The following UBE2F variants were observed in gnomAD, a reference collection of about 807,000 sequenced individuals.
UBE2F encodes ubiquitin conjugating enzyme E2 F (putative), also known as NEDD8-conjugating enzyme UBE2F.
UBE2F carries 5 observed loss-of-function variants against 29.6 expected under a neutral mutation model. The ratio of observed to expected loss-of-function variants is 0.17; its 90% confidence interval spans 0.09 to 0.36. UBE2F has a LOEUF of 0.36. Among genes scored for constraint, UBE2F ranks in the 10% least tolerant of loss-of-function variants. The probability of loss-of-function intolerance (pLI) is 1.00; values close to 1 mark genes in which losing one functional copy is unlikely to be tolerated. For missense variants in UBE2F, 141 were observed against 228.5 expected, an observed-to-expected ratio of 0.62 and a Z score of 2.47; for synonymous variants, 66 against 81.8, an observed-to-expected ratio of 0.81 and a Z score of 1.04.
chr2:238,016,004 C>T (rs1177214982), intron 4 of UBE2F, among the ~76,000 whole-genome samples: 3 of 152,074 alleles, frequency 2.0e-5, no homozygotes, highest in Non-Finnish European at 2.9e-5. Flanking sequence ...CCTACCAGCC[C>T]GCGTTTCTAG....
intron 2 of UBE2F, among the ~76,000 whole-genome samples, chr2:237,975,250 C>T (rs1376100337): frequency 6.6e-6 from 1 of 152,016 alleles, no homozygotes; most frequent in Non-Finnish European, 1.5e-5. Context: ...TACAAGCGTG[C>T]ACCACCATGC....
chr2:238,008,172 A>G (rs57593033), intron 4 of UBE2F, among the ~76,000 whole-genome samples: 7,036 of 151,898 alleles, frequency 0.046, 569 homozygotes, highest in African/African-American at 0.16. Context: ...GGGTCTCACT[A>G]TGTTGCCCAG....
intron 2 of UBE2F, among the ~76,000 whole-genome samples, chr2:237,983,232 T>C (rs1263437123): frequency 6.6e-6 from 1 of 152,226 alleles, no homozygotes; most frequent in East Asian, 1.9e-4. Flanking sequence ...CTATTTCTGA[T>C]CATGGCAAGT....
intron 3 of UBE2F, 150 bp downstream of exon 3, chr2:237,988,142 C>G (rs2063518894): frequency 1.8e-6 from 1 of 558,646 alleles, no homozygotes; most frequent in Non-Finnish European, 3.1e-6. Context: ...AGGATTTTTT[C>G]AAGTGTCTAA....
Position 238,035,795 on chromosome 2 carries a change from C to G in UBE2F, c.445-83C>G, listed in dbSNP as rs898651450. The G allele has an allele frequency of 4.3e-6, 5 of 1,151,572 alleles. No individual in the cohort carries two copies. In the Admixed American group the frequency reaches 1.1e-4, roughly 24 times the overall value. 71.3% of individuals were successfully genotyped at this position (1,151,572 alleles called of 1,614,324 possible). On this transcript the variant is annotated intron_variant, in intron 8 of 9. Coordinates refer to ENST00000272930, the MANE Select transcript of UBE2F (RefSeq NM_080678.3). ...GGTCTGCCATTTGCTAATTAGACTT[C>G]TCTTACTGTGCCATAAAATGAAGAC...
chr2:237,978,539 G>C (rs2106330351), intron 2 of UBE2F, among the ~76,000 whole-genome samples: 1 of 152,338 alleles, frequency 6.6e-6, no homozygotes, highest in African/African-American at 2.4e-5. Flanking sequence ...CTTTGGAGTG[G>C]CCGGCCATGG....
chr2:238,009,059 T>C (rs1224771644), intron 4 of UBE2F, among the ~76,000 whole-genome samples: 1 of 152,260 alleles, frequency 6.6e-6, no homozygotes, highest in East Asian at 1.9e-4. Context: ...AAGGATATCA[T>C]TCTACTGCCT....
chr2:237,994,669 G>A (rs2063655892), intron 3 of UBE2F, 75 bp from the exon 4 acceptor site: 1 of 1,197,892 alleles, frequency 8.3e-7, no homozygotes, highest in Middle Eastern at 1.9e-4. Context: ...AACTTTACAC[G>A]TGTTCAAAGG....
intron 2 of UBE2F, chr2:237,973,869 CTT>C (rs2063221063): frequency 3.4e-6 from 1 of 295,418 alleles, no homozygotes; most frequent in Non-Finnish European, 5.3e-6. Flanking sequence ...TTAGCAAACT[CTT>C]AAAATTTTCA....
At chr2:238,016,750 G>A (rs2064163184) in intron 5 of UBE2F, 117 bp downstream of exon 5, 1 of 762,488 alleles carries the variant, frequency 1.3e-6, no homozygotes, top group Non-Finnish European at 2.2e-6. Flanking sequence ...ATGTGTGACT[G>A]AGTACTCACT....
At chr2:237,992,302 C>T (rs1006332310) in intron 3 of UBE2F, among the ~76,000 whole-genome samples, 11 of 152,194 alleles carry the variant, frequency 7.2e-5, no homozygotes, top group African/African-American at 2.4e-4. Flanking sequence ...AAACATTTCC[C>T]AAGTCAGAAT....
chr2:238,000,850 G>A (rs2063777457), intron 4 of UBE2F, among the ~76,000 whole-genome samples: 1 of 152,180 alleles, frequency 6.6e-6, no homozygotes, highest in East Asian at 1.9e-4. Flanking sequence ...AGCCATTCTA[G>A]TAGGTATATA....
At chr2:237,995,214 T>C (rs2063666554) in intron 4 of UBE2F, among the ~76,000 whole-genome samples, 1 of 152,208 alleles carries the variant, frequency 6.6e-6, no homozygotes, top group South Asian at 2.1e-4. Context: ...ACCTATCTCA[T>C]AGGACAGTTG....
Position 238,007,242 on chromosome 2 carries a change from T to C in UBE2F, c.215-9324T>C, listed in dbSNP as rs1340091965. 7.2e-5 allele frequency among the ~76,000 whole-genome samples: 11 copies of C among 152,050 alleles called. 1 individual carries two copies. Among genetic ancestry groups the C allele is most frequent in the Non-Finnish European group, 1.3e-4 (9 of 67,994 alleles). On this transcript the variant is annotated intron_variant, in intron 4 of 9. Transcript: ENST00000272930. ...GTTCAGGCGATTCATGTGCCTCAGC[T>C]TCCTAATTAGCTGGGACTACAGGTG...
At chr2:238,032,025 A>G (rs1260505356) in intron 7 of UBE2F, among the ~76,000 whole-genome samples, 197 bp from the exon 8 acceptor site, 2 of 152,236 alleles carry the variant, frequency 1.3e-5, no homozygotes, top group Non-Finnish European at 2.9e-5. Context: ...ACTACCTGAG[A>G]CTGCTCATAT....
intron 4 of UBE2F, among the ~76,000 whole-genome samples, chr2:238,011,764 C>T (rs937694420): frequency 1.3e-5 from 2 of 152,184 alleles, no homozygotes; most frequent in Admixed American, 1.3e-4. Context: ...TAGATATAAA[C>T]ACTCAGGACT....
At chr2:238,032,411 G>A in intron 8 of UBE2F, 157 bp downstream of exon 8, 1 of 622,942 alleles carries the variant, frequency 1.6e-6, no homozygotes, top group Non-Finnish European at 2.8e-6. Context: ...ACTTTGGGTG[G>A]ATCCCCACTT....
chr2:238,037,266 A>G lies in UBE2F; in HGVS notation c.507+1326A>G, dbSNP rs187216350. Among the ~76,000 whole-genome samples, 15 of 152,390 alleles carry G rather than the reference A, an allele frequency of 9.8e-5. No individual in the cohort carries two copies. In the South Asian group the frequency reaches 1.9e-3, roughly 19 times the overall value. ...GAAGAAAAAGGTATAACAAAACCCA[A>G]GCTGAAAGAATTATAGTTGCTGAAT... is the stretch of plus-strand genomic sequence containing the variant. On this transcript the variant is annotated intron_variant, in intron 9 of 9. Coordinates refer to ENST00000272930, the MANE Select transcript of UBE2F (RefSeq NM_080678.3).
chr2:238,039,223 G>A (rs569726802), intron 9 of UBE2F, among the ~76,000 whole-genome samples: 9 of 152,258 alleles, frequency 5.9e-5, no homozygotes, highest in East Asian at 1.9e-4. Context: ...CAGCAAGAGC[G>A]AAACTCCATC....
Sources: allele counts gnomAD v4.1 joint callset (sites outside exome capture counted in the v4.1 genomes callset), GRCh38; gene constraint gnomAD v4.1.1; transcripts MANE v1.5; gene names NCBI Gene and HGNC (gene_info 2026-07-23, HGNC 2026-07-21).